ROBO2: variants seen among roughly 807,000 people sequenced by gnomAD.
The protein encoded by ROBO2 is roundabout homolog 2.
ROBO2 carries 53 observed loss-of-function variants against 160.8 expected under a neutral mutation model. The ratio of observed to expected loss-of-function variants is 0.33; its 90% CI spans 0.26 to 0.41. ROBO2 has a LOEUF of 0.41. Ranked by LOEUF, ROBO2 falls within the 10% of genes least tolerant of loss-of-function variation. The pLI is 1.00. For synonymous variants in ROBO2, 664 were observed against 611.7 expected, an observed-to-expected ratio of 1.09 and a Z score of -1.26; for missense variants, 1,577 against 1,722.4, an observed-to-expected ratio of 0.92 and a Z score of 1.49.
At chr3:77,467,683 A>G (rs1043827618) in intron 2 of ROBO2, among the ~76,000 whole-genome samples, 3 of 151,928 alleles carry the variant, frequency 2.0e-5, no homozygotes, top group Admixed American at 6.6e-5. Flanking sequence ...TAAGAAAAGT[A>G]GGAGGCAGTA....
chr3:77,013,579 C>T (rs2062044918), intron 2 of ROBO2, among the ~76,000 whole-genome samples: 1 of 152,082 alleles, frequency 6.6e-6, no homozygotes, highest in Non-Finnish European at 1.5e-5. Flanking sequence ...TAGGTAGAAA[C>T]AGCCTAGATA....
intron 2 of ROBO2, among the ~76,000 whole-genome samples, chr3:76,715,772 A>G (rs1443570362): frequency 6.6e-6 from 1 of 152,180 alleles, no homozygotes; most frequent in Non-Finnish European, 1.5e-5. Flanking sequence ...GGCCTTAACA[A>G]AGAGGGGAAT....
At chr3:75,947,538 C>G (rs572099157) in intron 2 of ROBO2, among the ~76,000 whole-genome samples, 2 of 152,232 alleles carry the variant, frequency 1.3e-5, no homozygotes, top group South Asian at 4.1e-4. Flanking sequence ...CTGTCTGGCT[C>G]TTTGTCAAAA....
intron 2 of ROBO2, among the ~76,000 whole-genome samples, chr3:76,603,343 A>ATATAT (rs1393508482): frequency 5.2e-4 from 39 of 75,468 alleles, no homozygotes; most frequent in Non-Finnish European, 8.1e-4. Flanking sequence ...AAAAAAAAAA[A>ATATAT]AAAAAAAAAT....
At chr3:76,777,174 G>T (rs72894248) in intron 2 of ROBO2, among the ~76,000 whole-genome samples, 1,773 of 151,156 alleles carry the variant, frequency 0.012, 29 homozygotes, top group African/African-American at 0.04. Context: ...GATCCAGCAA[G>T]GCACACTGTT....
chr3:76,516,130 G>A (rs2081337236), intron 2 of ROBO2, among the ~76,000 whole-genome samples: 1 of 152,044 alleles, frequency 6.6e-6, no homozygotes, highest in Admixed American at 6.6e-5. Flanking sequence ...TTCCATTTGT[G>A]CAATTTACAA....
At chr3:76,411,218 G>T (rs549455080) in intron 2 of ROBO2, among the ~76,000 whole-genome samples, 2 of 152,024 alleles carry the variant, frequency 1.3e-5, no homozygotes. Context: ...GAACCTTGAC[G>T]TTCAGTTTAA....
In ROBO2 at chr3:77,429,411, G is replaced by A. The variant is rs1461633144; in HGVS notation, c.389-48003G>A. ...GATTCAAACTCAAGACAAGTAAAAT[G>A]ATATTTCTCCCCTTCCTCAGACTTG... On this transcript the variant is annotated intron_variant, in intron 2 of 25. Transcript: ENST00000461745. Among the ~76,000 whole-genome samples the A allele has an allele frequency of 3.3e-5, 5 of 152,008 alleles. No homozygotes were observed. The East Asian group carries it at 9.7e-4, about 29-fold the overall frequency.
intron 2 of ROBO2, among the ~76,000 whole-genome samples, chr3:76,620,879 A>T (rs2089016758): frequency 6.6e-6 from 1 of 152,204 alleles, no homozygotes; most frequent in South Asian, 2.1e-4. Context: ...CGTGCTACCG[A>T]GGCAACTGCT....
intron 2 of ROBO2, among the ~76,000 whole-genome samples, chr3:76,426,482 G>T (rs968875203): frequency 2.0e-5 from 3 of 152,080 alleles, no homozygotes. Flanking sequence ...GGTAAGGAAG[G>T]CATGACCACT....
At chr3:77,633,697 A>C (rs1360838879) in intron 23 of ROBO2, 1 of 152,240 alleles carries the variant, frequency 6.6e-6, no homozygotes, top group African/African-American at 2.4e-5. Context: ...TCTTTAAGTG[A>C]AATAAAAAAG....
chr3:77,101,363 C>T (rs996238231), intron 2 of ROBO2, among the ~76,000 whole-genome samples: 5 of 152,060 alleles, frequency 3.3e-5, no homozygotes, highest in Admixed American at 2.0e-4. Flanking sequence ...AGGTGAGGGG[C>T]AGGTACAGGA....
chr3:76,008,213 T>G (rs1359173876), intron 2 of ROBO2, among the ~76,000 whole-genome samples: 1 of 115,074 alleles, frequency 8.7e-6, no homozygotes, highest in African/African-American at 3.5e-5. Context: ...CCAGACTGAG[T>G]GACAGAGCAA....
intron 2 of ROBO2, among the ~76,000 whole-genome samples, chr3:76,058,880 A>G (rs1456028870): frequency 7.4e-6 from 1 of 135,666 alleles, no homozygotes; most frequent in Non-Finnish European, 1.5e-5. Context: ...ATTCCCACCT[A>G]TGAGTGAGAA....
At chr3:76,826,856 A>C (rs1226070512) in intron 2 of ROBO2, among the ~76,000 whole-genome samples, 2 of 152,210 alleles carry the variant, frequency 1.3e-5, no homozygotes, top group African/African-American at 2.4e-5. Flanking sequence ...GCCCAGAAGT[A>C]AGAGCAAAGT....
intron 2 of ROBO2, among the ~76,000 whole-genome samples, chr3:77,456,537 AG>A: frequency 6.6e-6 from 1 of 152,340 alleles, no homozygotes; most frequent in Non-Finnish European, 1.5e-5. Context: ...AATGTACAGA[AG>A]TGAGAAATTC....
chr3:75,957,176 A>T (rs532578252), intron 2 of ROBO2, among the ~76,000 whole-genome samples: 2 of 151,484 alleles, frequency 1.3e-5, no homozygotes, highest in Admixed American at 6.6e-5. Flanking sequence ...ATTTTTAAAC[A>T]TATTGAAGTT....
At chr3:76,786,046 C>G (rs1002510615) in intron 2 of ROBO2, among the ~76,000 whole-genome samples, 17 of 151,136 alleles carry the variant, frequency 1.1e-4, no homozygotes, top group African/African-American at 4.1e-4. Flanking sequence ...GGATGTATAT[C>G]AACATATATC....
chr3:76,767,016 A>C (rs2061610121), intron 2 of ROBO2, among the ~76,000 whole-genome samples: 1 of 151,526 alleles, frequency 6.6e-6, no homozygotes, highest in Admixed American at 6.6e-5. Context: ...TTAATACATT[A>C]ATACATAGAC....
Sources: gnomAD v4.1 joint callset for allele counts (sites outside exome capture counted in the v4.1 genomes callset) on GRCh38, gnomAD v4.1.1 for gene constraint, MANE v1.5 for transcripts, NCBI Gene and HGNC (gene_info 2026-07-23, HGNC 2026-07-21) for gene names.